TANC1: variants seen among roughly 807,000 people sequenced by gnomAD.
TANC1 encodes protein TANC1.
TANC1 carries 77 observed loss-of-function variants against 149.7 expected under a neutral mutation model. That is an observed-to-expected ratio of 0.51 (90% CI 0.43 to 0.62). The LOEUF (loss-of-function observed/expected upper bound fraction) is 0.62, where lower values mean the gene tolerates loss of function less well. Ranked by LOEUF, TANC1 falls within the 20% of genes least tolerant of loss-of-function variation. The pLI is 0.00. For missense variants in TANC1, 1,985 were observed against 2,321.8 expected (o/e 0.85, Z 2.98); for synonymous variants, 854 against 925.0 (o/e 0.92, Z 1.39).
chr2:159,181,549 G>A (rs539050413), intron 14 of TANC1, among the ~76,000 whole-genome samples: 7 of 152,252 alleles, frequency 4.6e-5, no homozygotes, highest in South Asian at 2.1e-4. Flanking sequence ...CGCCCGCCTC[G>A]GCCTCCCAGA....
chr2:159,117,770 C>T (rs1428060744), intron 4 of TANC1, among the ~76,000 whole-genome samples: 4 of 144,236 alleles, frequency 2.8e-5, no homozygotes, highest in Admixed American at 1.4e-4. Flanking sequence ...TTCCAGTATC[C>T]GAGAGGACAC....
At chr2:159,066,971 G>A (rs201021432) in intron 3 of TANC1, among the ~76,000 whole-genome samples, 2 of 152,120 alleles carry the variant, frequency 1.3e-5, no homozygotes, top group South Asian at 2.1e-4. Flanking sequence ...GAATTGACTT[G>A]CCTGAAATGT....
chr2:159,133,140 G>A (rs1458673037), intron 4 of TANC1, among the ~76,000 whole-genome samples: 1 of 152,182 alleles, frequency 6.6e-6, no homozygotes, highest in Non-Finnish European at 1.5e-5. Flanking sequence ...GTTAAGGGGA[G>A]CAGAAATACA....
chr2:158,969,022 T>C (rs1042668405), intron 1 of TANC1, among the ~76,000 whole-genome samples: 1 of 151,440 alleles, frequency 6.6e-6, no homozygotes, highest in African/African-American at 2.4e-5. Context: ...CTTTGGGGAG[T>C]CCGCACCTTC....
In TANC1 at chr2:159,229,999, C is replaced by T. The variant is rs1388393075; in HGVS notation, c.4573C>T (p.Leu1525=). 3 of 1,614,094 alleles carry T rather than the reference C, an allele frequency of 1.9e-6. No individual in the cohort carries two copies. The highest frequency in any genetic ancestry group is 2.5e-6 in the Non-Finnish European group (3 of 1,180,040). Residue 1525 remains leucine (L), a synonymous_variant, in exon 27 of 27, where the codon CTG becomes TTG. Coordinates refer to ENST00000263635, the MANE Select transcript of TANC1 (RefSeq NM_033394.3). ...REPVAQPGLL[L]QPSKQAQIVK... ...GCCTGTGGCCCAGCCAGGGCTGCTC[C>T]TGCAGCCCTCCAAGCAGGCCCAGAT...
At chr2:159,141,804 G>A (rs987158365) in intron 5 of TANC1, among the ~76,000 whole-genome samples, 3 of 152,154 alleles carry the variant, frequency 2.0e-5, no homozygotes, top group African/African-American at 4.8e-5. Context: ...GGTGCAAGGA[G>A]CACCAGCAAG....
rs781065908 is a variant in TANC1 at position 159,210,544 on chromosome 2, G to A, written c.3245-6953G>A. ...CTGCTGTTTCCAATACGTTCAGATT[G>A]TTGTCAGGTTTTGTTTGTTTGTTTG... On this transcript the variant is annotated intron_variant, in intron 19 of 26. Coordinates refer to ENST00000263635, the MANE Select transcript of TANC1 (RefSeq NM_033394.3). Among the ~76,000 whole-genome samples the A allele has an allele frequency of 1.9e-4, 29 of 152,048 alleles. 1 individual carries two copies. Among genetic ancestry groups the A allele is most frequent in the Non-Finnish European group, 3.4e-4 (23 of 68,002 alleles).
chr2:158,969,873 G>A (rs917011708), intron 1 of TANC1, among the ~76,000 whole-genome samples: 1 of 152,164 alleles, frequency 6.6e-6, no homozygotes, highest in African/African-American at 2.4e-5. Flanking sequence ...CCAGTGTTGG[G>A]ACCGTTCTCA....
chr2:159,010,553 A>G (rs1050017700), intron 2 of TANC1, among the ~76,000 whole-genome samples: 10 of 152,150 alleles, frequency 6.6e-5, no homozygotes, highest in Admixed American at 1.3e-4. Context: ...TGTGGCAGGC[A>G]TGCTGGCAAA....
intron 2 of TANC1, among the ~76,000 whole-genome samples, chr2:159,061,515 C>T (rs2042232910): frequency 6.6e-6 from 1 of 152,196 alleles, no homozygotes; most frequent in African/African-American, 2.4e-5. Context: ...ATTATTAGGC[C>T]TCATTCCCTT....
chr2:159,121,835 A>G (rs1574809681), intron 4 of TANC1, among the ~76,000 whole-genome samples: 1 of 152,264 alleles, frequency 6.6e-6, no homozygotes, highest in Non-Finnish European at 1.5e-5. Context: ...GTACACAGCT[A>G]TGGAAAGATA....
chr2:159,133,722 G>A (rs142314650), intron 4 of TANC1, among the ~76,000 whole-genome samples: 1 of 152,250 alleles, frequency 6.6e-6, no homozygotes, highest in East Asian at 1.9e-4. Context: ...GCAATTGTGT[G>A]TCCCCTGTAA....
chr2:159,231,212 G>T lies in TANC1; in HGVS notation c.*200G>T, dbSNP rs1350550023. ...TCACCATAAATAAGAATGCTAAACA[G>T]AATTGAAAATTATATCAACTTAAAA... On this transcript the variant is annotated 3_prime_UTR_variant, in exon 27 of 27. Transcript: ENST00000263635. 5 of 502,254 alleles carry T rather than the reference G, an allele frequency of 1.0e-5. No homozygotes were observed. The highest frequency in any genetic ancestry group is 1.7e-5 in the Non-Finnish European group (5 of 286,678). 31.1% of individuals were successfully genotyped at this position (502,254 alleles called of 1,614,324 possible).
At chr2:159,168,586 G>A (rs2054858701) in intron 8 of TANC1, among the ~76,000 whole-genome samples, 1 of 152,110 alleles carries the variant, frequency 6.6e-6, no homozygotes, top group East Asian at 1.9e-4. Context: ...ACAGGCGTGA[G>A]CCACTGCACC....
In TANC1 at chr2:159,030,223, T is replaced by C. The variant is rs1056141548; in HGVS notation, c.-16+29034T>C. Among the ~76,000 whole-genome samples the C allele has an allele frequency of 3.3e-5, 5 of 152,126 alleles. No homozygotes were observed. In the East Asian group the frequency reaches 5.8e-4, roughly 18 times the overall value. On this transcript the variant is annotated intron_variant, in intron 2 of 26. Transcript: ENST00000263635. Reference sequence around the variant, plus strand: ...TTAACAAGATCAAAAAGCAAAGATATAAAGCCAAGGGGGGAATGTCTTTCT... The same window carrying C: ...TTAACAAGATCAAAAAGCAAAGATACAAAGCCAAGGGGGGAATGTCTTTCT...
At chr2:159,133,169 G>T (rs1424476100) in intron 4 of TANC1, among the ~76,000 whole-genome samples, 3 of 152,094 alleles carry the variant, frequency 2.0e-5, no homozygotes, top group Non-Finnish European at 4.4e-5. Context: ...TTGAGCAGTG[G>T]CCATGCCTGC....
chr2:159,199,305 A>T (rs1472363959), intron 19 of TANC1, among the ~76,000 whole-genome samples: 2 of 152,226 alleles, frequency 1.3e-5, no homozygotes, highest in East Asian at 3.8e-4. Flanking sequence ...GGTACATCTG[A>T]TGAATGTCAG....
At chr2:159,157,819 C>A (rs2053593564) in intron 7 of TANC1, among the ~76,000 whole-genome samples, 1 of 152,128 alleles carries the variant, frequency 6.6e-6, no homozygotes, top group Admixed American at 6.5e-5. Context: ...TTTTTAAGTG[C>A]TACTTTATTT....
chr2:159,181,247 A>C (rs2056435936), intron 14 of TANC1, among the ~76,000 whole-genome samples: 1 of 147,912 alleles, frequency 6.8e-6, no homozygotes, highest in Non-Finnish European at 1.5e-5. Flanking sequence ...GTTGTGCAAA[A>C]CTCCTAGGAG....
Sources: gnomAD v4.1 joint callset for allele counts (sites outside exome capture counted in the v4.1 genomes callset) on GRCh38, gnomAD v4.1.1 for gene constraint, MANE v1.5 for transcripts, NCBI Gene and HGNC (gene_info 2026-07-23, HGNC 2026-07-21) for gene names.